SLC38A9: variants seen among roughly 807,000 people sequenced by gnomAD.
SLC38A9 encodes the protein solute carrier family 38 member 9, also known as neutral amino acid transporter 9.
SLC38A9 carries 48 observed loss-of-function variants against 62.3 expected under a neutral mutation model. The observed-to-expected ratio is 0.77, with a 90% CI of 0.61 to 0.98. The LOEUF (loss-of-function observed/expected upper bound fraction) is 0.98, where lower values mean the gene tolerates loss of function less well. Among genes scored for constraint, SLC38A9 ranks in the 50% least tolerant of loss-of-function variants. The probability of loss-of-function intolerance (pLI) is 0.00; values close to 1 mark genes in which losing one functional copy is unlikely to be tolerated. For synonymous variants in SLC38A9, 204 were observed against 227.7 expected, an observed-to-expected ratio of 0.90 and a Z score of 0.94; for missense variants, 541 against 679.8, an observed-to-expected ratio of 0.80 and a Z score of 2.27.
chr5:55,710,296 G>C (rs901595302), intron 2 of SLC38A9, among the ~76,000 whole-genome samples: 7 of 151,072 alleles, frequency 4.6e-5, no homozygotes, highest in African/African-American at 1.5e-4. Context: ...TCCGCCTGCC[G>C]GGCTCAAGCA....
rs749303550 is a variant in SLC38A9, at chr5:55,697,898, C to T, written c.61G>A (p.Asp21Asn). 44 of 1,600,340 alleles carry T rather than the reference C, an allele frequency of 2.7e-5. No individual in the cohort carries two copies. In the South Asian group the frequency reaches 5.0e-4, roughly 18 times the overall value. ...LGTSEVDHERDPGPMNIQFEP... is the reference protein window; with the variant it reads ...LGTSEVDHERNPGPMNIQFEP... ...AACTGGATATTCATAGGTCCAGGAT[C>T]TCTTTCATGATCTACCTCAGAGGTG... The change falls in exon 3 of 16, where the codon GAT (aspartate) becomes AAT (asparagine). Residue 21 changes from aspartate to asparagine, a missense_variant. Transcript: ENST00000396865.
intron 3 of SLC38A9, chr5:55,694,207 C>CAAAAAAAA: frequency 5.8e-6 from 1 of 170,968 alleles, no homozygotes; most frequent in Non-Finnish European, 1.2e-5. Flanking sequence ...GACCCTGTCT[C>CAAAAAAAA]AAAAAAAAAA....
chr5:55,656,619 A>G, intron 9 of SLC38A9, 96 bp downstream of exon 9: 1 of 807,484 alleles, frequency 1.2e-6, no homozygotes, highest in Non-Finnish European at 2.1e-6. Flanking sequence ...ATTTTCTACT[A>G]ATCGTTTACC....
intron 12 of SLC38A9, among the ~76,000 whole-genome samples, chr5:55,640,615 A>C (rs1203317277): frequency 6.6e-6 from 1 of 152,164 alleles, no homozygotes; most frequent in Non-Finnish European, 1.5e-5. Context: ...AAAGCAATTC[A>C]ACTTGAGAAT....
At chr5:55,626,730 T>A (rs939135747) in intron 15 of SLC38A9, 71 bp from the exon 16 acceptor site, 12 of 1,382,188 alleles carry the variant, frequency 8.7e-6, no homozygotes, top group African/African-American at 1.4e-5. Flanking sequence ...GTAAACATAG[T>A]ACAATTTAAA....
intron 2 of SLC38A9, among the ~76,000 whole-genome samples, chr5:55,705,696 A>G (rs1757202825): frequency 1.4e-5 from 2 of 140,228 alleles, no homozygotes; most frequent in Admixed American, 1.5e-4. Context: ...TATAATGGCA[A>G]ATGGCCTTAA....
At chr5:55,671,758 G>T (rs184923768) in intron 4 of SLC38A9, among the ~76,000 whole-genome samples, 18 of 151,952 alleles carry the variant, frequency 1.2e-4, no homozygotes, top group African/African-American at 3.4e-4. Flanking sequence ...TGAGGCAGGA[G>T]AATGGCTGGA....
chr5:55,658,726 G>A (rs1041477871), intron 8 of SLC38A9, among the ~76,000 whole-genome samples: 1 of 152,122 alleles, frequency 6.6e-6, no homozygotes, highest in African/African-American at 2.4e-5. Flanking sequence ...ATGGTAATTT[G>A]TTACTGCACC....
chr5:55,626,746 C>G, intron 15 of SLC38A9, 87 bp from the exon 16 acceptor site: 1 of 1,229,834 alleles, frequency 8.1e-7, no homozygotes, highest in Non-Finnish European at 1.1e-6. Context: ...TTAAATCCTC[C>G]TCAGTCTGAT....
At chr5:55,696,416 C>G (rs1394704344) in intron 3 of SLC38A9, 1 of 56,756 alleles carries the variant, frequency 1.8e-5, no homozygotes, top group Non-Finnish European at 4.3e-5. Flanking sequence ...ACCTCCCTCC[C>G]GGACGGGGCG....
At chr5:55,639,934 C>T (rs1266409884) in intron 12 of SLC38A9, among the ~76,000 whole-genome samples, 1 of 150,410 alleles carries the variant, frequency 6.6e-6, no homozygotes, top group Non-Finnish European at 1.5e-5. Context: ...ACTTCATAAC[C>T]CAATTTCAAT....
intron 7 of SLC38A9, among the ~76,000 whole-genome samples, chr5:55,666,970 G>A (rs1017417095): frequency 1.5e-4 from 23 of 151,262 alleles, no homozygotes; most frequent in Non-Finnish European, 2.5e-4. Flanking sequence ...AGCTGAGATC[G>A]CGCCACTGCA....
At chr5:55,666,611 G>A (rs1037265681) in intron 7 of SLC38A9, among the ~76,000 whole-genome samples, 2 of 152,146 alleles carry the variant, frequency 1.3e-5, no homozygotes, top group African/African-American at 4.8e-5. Flanking sequence ...TAACTGTTTC[G>A]GCTGGGCACG....
At position 55,671,478 on chromosome 5, in the gene SLC38A9, G is replaced by A. The variant is rs867198502; in HGVS notation, c.246+1085C>T. Among the ~76,000 whole-genome samples the A allele has an allele frequency of 1.5e-4, 23 of 150,438 alleles. No individual in the cohort carries two copies. The Middle Eastern group carries it at 0.01, about 68-fold the overall frequency. ...CTAAATAAGAAACTACTATATTTAT[G>A]TGTACATATTTCAGTTTCCCATTCT... On this transcript the variant is annotated intron_variant, in intron 4 of 15. Transcript: ENST00000396865.
intron 9 of SLC38A9, among the ~76,000 whole-genome samples, chr5:55,653,396 A>G (rs941678009): frequency 3.3e-5 from 5 of 152,240 alleles, no homozygotes; most frequent in Non-Finnish European, 5.9e-5. Flanking sequence ...AATATAAAAA[A>G]TATCATTTAG....
At chr5:55,669,969 C>A in intron 4 of SLC38A9, 90 bp from the exon 5 acceptor site, 1 of 1,196,158 alleles carries the variant, frequency 8.4e-7, no homozygotes, top group South Asian at 1.8e-5. Context: ...CTCTAGACAC[C>A]TTTTTTTTTC....
chr5:55,706,611 A>G (rs1353954483), intron 2 of SLC38A9, among the ~76,000 whole-genome samples: 2 of 152,230 alleles, frequency 1.3e-5, no homozygotes, highest in Non-Finnish European at 1.5e-5. Flanking sequence ...TTTATTCTAA[A>G]TAAGTAGAAA....
At chr5:55,649,039 A>C (rs1746902391) in intron 11 of SLC38A9, among the ~76,000 whole-genome samples, 168 bp downstream of exon 11, 1 of 152,212 alleles carries the variant, frequency 6.6e-6, no homozygotes, top group Non-Finnish European at 1.5e-5. Flanking sequence ...CCTGGTTACC[A>C]CTAACTGCAG....
At chr5:55,628,162 A>G (rs1478634052) in intron 14 of SLC38A9, among the ~76,000 whole-genome samples, 182 bp from the exon 15 acceptor site, 1 of 152,154 alleles carries the variant, frequency 6.6e-6, no homozygotes, top group Non-Finnish European at 1.5e-5. Context: ...GAGAAAGTGA[A>G]ATTAGCTCTT....
Sources: allele counts gnomAD v4.1 joint callset (sites outside exome capture counted in the v4.1 genomes callset), GRCh38; gene constraint gnomAD v4.1.1; transcripts MANE v1.5; gene names NCBI Gene and HGNC (gene_info 2026-07-23, HGNC 2026-07-21).